The following KIAA1217 variants were observed in gnomAD, a reference collection of about 807,000 sequenced individuals.
KIAA1217 encodes KIAA1217.
Under a neutral mutation model 163.9 loss-of-function variants are expected in KIAA1217, and 88 were observed. The ratio of observed to expected loss-of-function variants is 0.54; its 90% confidence interval spans 0.45 to 0.64. The LOEUF is 0.64. KIAA1217 is among the 30% of genes least tolerant of loss of function. KIAA1217 has a pLI of 0.00. For missense variants in KIAA1217, 2,372 were observed against 2,475.0 expected, an observed-to-expected ratio of 0.96 and a Z score of 0.88; for synonymous variants, 903 against 923.1, an observed-to-expected ratio of 0.98 and a Z score of 0.39.
Position 24,411,967 on chromosome 10 carries a change from C to T in KIAA1217, c.554-21028C>T, listed in dbSNP as rs542055573. 1.4e-4 allele frequency among the ~76,000 whole-genome samples: 21 copies of T among 152,154 alleles called. No homozygotes were observed. In the South Asian group the frequency reaches 4.0e-3, roughly 29 times the overall value. ...GAGGTCACAGAGGTAACATCCAACTCGTACACAAAACATGCCTTATAAAAC... is the reference window on the plus strand; with the variant it reads ...GAGGTCACAGAGGTAACATCCAACTTGTACACAAAACATGCCTTATAAAAC... On this transcript the variant is annotated intron_variant, in intron 3 of 20. Coordinates refer to ENST00000376454, the MANE Select transcript of KIAA1217 (RefSeq NM_019590.5).
intron 2 of KIAA1217, among the ~76,000 whole-genome samples, chr10:24,260,153 T>C (rs144158074): frequency 2.0e-5 from 3 of 152,324 alleles, no homozygotes; most frequent in African/African-American, 7.2e-5. Flanking sequence ...ACTCTCATTG[T>C]AGAGTCATAA....
At chr10:24,333,115 A>C (rs1453499151) in intron 2 of KIAA1217, among the ~76,000 whole-genome samples, 1 of 151,916 alleles carries the variant, frequency 6.6e-6, no homozygotes, top group Non-Finnish European at 1.5e-5. Flanking sequence ...TCTGCCTCCC[A>C]GGTTCAAGCA....
Position 24,524,693 on chromosome 10 carries a change from T to C in KIAA1217, c.2827T>C (p.Ser943Pro). The C allele has an allele frequency of 6.2e-7, 1 of 1,613,940 alleles. No individual in the cohort carries two copies. Among genetic ancestry groups the C allele is most frequent in the Non-Finnish European group, 8.5e-7 (1 of 1,179,862 alleles). Residue 943 changes from serine (S) to proline (P), a missense_variant, in exon 13 of 21, where the codon TCT becomes CCT. This residue lies in a region of KIAA1217 where 1,431 missense variants were observed against 1,470.3 expected (regional missense o/e 0.97). Transcript: ENST00000376454. ...GTCCCCACAGATACCCATGAATGGG[T>C]CTGCCATGCAGAGCTTGTTCATTGA... is the stretch of plus-strand genomic sequence containing the variant. ...PQSPQIPMNG[S>P]AMQSLFIEEI...
At position 24,473,688 on chromosome 10, in the gene KIAA1217, G is replaced by A. The variant is rs148124443; in HGVS notation, c.1307G>A (p.Cys436Tyr). 9.1e-5 allele frequency: 147 copies of A among 1,613,934 alleles called. No individual in the cohort carries two copies. The highest frequency in any genetic ancestry group is 1.1e-4 in the Non-Finnish European group (133 of 1,180,028). The part of the protein sequence containing the change: ...RTAIRSASAY[C>Y]NPSMQAEMHM... ...GCCATCCGGTCAGCGAGTGCTTATTGTAACCCCTCAATGCAAGCGGAAATG... is the reference window on the plus strand; with the variant it reads ...GCCATCCGGTCAGCGAGTGCTTATTATAACCCCTCAATGCAAGCGGAAATG... Residue 436 changes from cysteine (C) to tyrosine (Y), a missense_variant, in exon 6 of 21, where the codon TGT (cysteine) becomes TAT (tyrosine). Cys to Tyr is a radical substitution (Grantham distance 194). Around this residue, in one of 3 missense-constraint regions of KIAA1217, gnomAD observed 1,431 missense variants for 1,470.3 expected, o/e 0.97. Transcript: ENST00000376454.
chr10:24,184,857 A>G (rs193208597), intron 2 of KIAA1217, among the ~76,000 whole-genome samples: 75 of 152,328 alleles, frequency 4.9e-4, no homozygotes, highest in Non-Finnish European at 8.7e-4. Context: ...GAAATCACAG[A>G]CACGCTGGAG....
At chr10:24,100,813 T>G (rs749252711) in intron 2 of KIAA1217, among the ~76,000 whole-genome samples, 2 of 152,236 alleles carry the variant, frequency 1.3e-5, no homozygotes, top group Non-Finnish European at 2.9e-5. Context: ...TTCCTTTTCA[T>G]GTCAGCTTTA....
intron 2 of KIAA1217, among the ~76,000 whole-genome samples, chr10:24,380,649 T>C (rs1219906739): frequency 6.8e-6 from 1 of 148,088 alleles, no homozygotes; most frequent in Non-Finnish European, 1.5e-5. Context: ...AATAAATAAA[T>C]AAATACAATG....
At chr10:24,028,071 CTA>C (rs1848039433) in intron 2 of KIAA1217, among the ~76,000 whole-genome samples, 1 of 152,064 alleles carries the variant, frequency 6.6e-6, no homozygotes, top group Admixed American at 6.6e-5. Context: ...CATATATTTG[CTA>C]TTTTTATTAT....
intron 3 of KIAA1217, among the ~76,000 whole-genome samples, chr10:24,398,419 G>C (rs948724410): frequency 2.0e-5 from 3 of 152,126 alleles, no homozygotes; most frequent in African/African-American, 7.2e-5. Context: ...CGACTTATTG[G>C]TGGCAAATAT....
chr10:24,011,330 T>A (rs4747479), intron 2 of KIAA1217, among the ~76,000 whole-genome samples: 38,005 of 151,604 alleles, frequency 0.25, 5,361 homozygotes, highest in East Asian at 0.4. Context: ...TACAAAAAAA[T>A]TTAATAATTT....
At chr10:24,355,170 T>C (rs1397324553) in intron 2 of KIAA1217, among the ~76,000 whole-genome samples, 1 of 152,106 alleles carries the variant, frequency 6.6e-6, no homozygotes, top group Non-Finnish European at 1.5e-5. Context: ...TCCCTGGAGC[T>C]TGGGGCCAGA....
chr10:24,326,816 A>G (rs2044969110), intron 2 of KIAA1217, among the ~76,000 whole-genome samples: 1 of 152,136 alleles, frequency 6.6e-6, no homozygotes, highest in Non-Finnish European at 1.5e-5. Context: ...CCTTACATAT[A>G]GGAAAGGTAC....
intron 1 of KIAA1217, among the ~76,000 whole-genome samples, chr10:23,867,585 A>G (rs2131151876): frequency 6.6e-6 from 1 of 152,168 alleles, no homozygotes; most frequent in South Asian, 2.1e-4. Context: ...TTTGATTTGC[A>G]TTTCTGTGAT....
intron 2 of KIAA1217, among the ~76,000 whole-genome samples, chr10:24,094,356 G>C (rs572598681): frequency 6.6e-6 from 1 of 152,128 alleles, no homozygotes. Context: ...CCCCATCTTT[G>C]TGGTTTTATC....
intron 2 of KIAA1217, among the ~76,000 whole-genome samples, chr10:24,160,686 G>A (rs1589723817): frequency 6.6e-6 from 1 of 152,170 alleles, no homozygotes; most frequent in African/African-American, 2.4e-5. Context: ...TAATGAGGCT[G>A]AAAATGTGAC....
chr10:24,501,916 T>G (rs2067675276), intron 9 of KIAA1217, among the ~76,000 whole-genome samples: 2 of 151,848 alleles, frequency 1.3e-5, no homozygotes. Context: ...GCCCGGCTAA[T>G]TTTTTCTATG....
At chr10:24,206,491 A>G (rs1340002830), upstream of KIAA1217, among the ~76,000 whole-genome samples, 3 of 152,214 alleles carry the variant, frequency 2.0e-5, no homozygotes, top group Non-Finnish European at 4.4e-5. Context: ...TCAGTGCTAA[A>G]TTGTTAGGAA....
intron 1 of KIAA1217, among the ~76,000 whole-genome samples, chr10:23,760,712 G>A (rs941106812): frequency 6.6e-6 from 1 of 152,120 alleles, no homozygotes; most frequent in Non-Finnish European, 1.5e-5. Context: ...AGGCCCAGGT[G>A]GGAAGATTGC....
intron 3 of KIAA1217, among the ~76,000 whole-genome samples, chr10:24,383,000 C>A (rs1454988350): frequency 6.6e-6 from 1 of 151,918 alleles, no homozygotes; most frequent in African/African-American, 2.4e-5. Context: ...GGCACGCACC[C>A]AGGCGCCTGG....
Sources: allele counts gnomAD v4.1 joint callset (sites outside exome capture counted in the v4.1 genomes callset), GRCh38; gene constraint gnomAD v4.1.1; regional missense constraint gnomAD v4.1.1; transcripts MANE v1.5; gene names NCBI Gene and HGNC (gene_info 2026-07-23, HGNC 2026-07-21).